RABGAP1L: variants seen among roughly 807,000 people sequenced by gnomAD.
The protein encoded by RABGAP1L is rab GTPase-activating protein 1-like.
Under a neutral mutation model 137.7 loss-of-function variants are expected in RABGAP1L, and 63 were observed. The observed-to-expected ratio is 0.46, with a 90% CI of 0.37 to 0.56. The LOEUF (loss-of-function observed/expected upper bound fraction) is 0.56, where lower values mean the gene tolerates loss of function less well. RABGAP1L is among the 20% of genes least tolerant of loss of function. RABGAP1L has a pLI of 0.00. For synonymous variants in RABGAP1L, 431 were observed against 433.7 expected (o/e 0.99, Z 0.08); for missense variants, 1,095 against 1,244.0 (o/e 0.88, Z 1.80).
Position 174,448,661 on chromosome 1 carries a change from G to C in RABGAP1L, c.1710+54516G>C. The C allele has an allele frequency of 6.2e-7, 1 of 1,613,720 alleles. No homozygotes were observed. Among genetic ancestry groups the C allele is most frequent in the Non-Finnish European group, 8.5e-7 (1 of 1,179,688 alleles). Reference sequence around the variant, plus strand: ...TTCCTTTTTTGGCTGGGGGAAACCTGGTTACCATGGTGACATTTTTGAATG... The same window carrying C: ...TTCCTTTTTTGGCTGGGGGAAACCTCGTTACCATGGTGACATTTTTGAATG... On this transcript the variant is annotated intron_variant, in intron 13 of 25. Coordinates refer to ENST00000681986, the MANE Select transcript of RABGAP1L (RefSeq NM_001366446.1). This position sits in a 1 kb window ranked among gnomAD's most constrained non-coding sequence, Gnocchi z 4.2.
intron 10 of RABGAP1L, among the ~76,000 whole-genome samples, chr1:174,302,183 A>G (rs1677773370): frequency 6.6e-6 from 1 of 152,204 alleles, no homozygotes. Flanking sequence ...TTTCCAGAGT[A>G]GTGGTAGATT....
At chr1:174,610,816 C>T (rs1413425168) in intron 13 of RABGAP1L, among the ~76,000 whole-genome samples, 1 of 152,178 alleles carries the variant, frequency 6.6e-6, no homozygotes, top group East Asian at 1.9e-4. Context: ...TGATGATGAG[C>T]ATTTTTTCAT....
chr1:174,969,397 A>T lies in RABGAP1L; in HGVS notation c.2544+10A>T. 1 of 1,537,444 alleles carries T rather than the reference A, an allele frequency of 6.5e-7. No individual in the cohort carries two copies. The highest frequency in any genetic ancestry group is 8.8e-7 in the Non-Finnish European group (1 of 1,135,030). On this transcript the variant is annotated intron_variant, in intron 21 of 25. Coordinates refer to ENST00000681986, the MANE Select transcript of RABGAP1L (RefSeq NM_001366446.1). Reference sequence around the variant, plus strand: ...GAATGACTTGGATCAGGTAATCCTTAGAAATGAGACTGTGATGACTTCCTC... The same window carrying T: ...GAATGACTTGGATCAGGTAATCCTTTGAAATGAGACTGTGATGACTTCCTC...
In RABGAP1L at chr1:174,736,177, A is replaced by G. The variant is rs142959376; in HGVS notation, c.2170-16136A>G. ...ATGAGATCCTTCTACCTGTAAGTCTATGAGGTTAAATACAAGTTAACCATT... is the reference window on the plus strand; with the variant it reads ...ATGAGATCCTTCTACCTGTAAGTCTGTGAGGTTAAATACAAGTTAACCATT... On this transcript the variant is annotated intron_variant, in intron 17 of 25. Coordinates refer to ENST00000681986, the MANE Select transcript of RABGAP1L (RefSeq NM_001366446.1). 7.2e-5 allele frequency among the ~76,000 whole-genome samples: 11 copies of G among 152,316 alleles called. No homozygotes were observed. The East Asian group carries it at 2.1e-3, about 29-fold the overall frequency.
At chr1:174,366,353 A>G (rs1452730077) in intron 11 of RABGAP1L, among the ~76,000 whole-genome samples, 1 of 152,106 alleles carries the variant, frequency 6.6e-6, no homozygotes, top group Admixed American at 6.6e-5. Flanking sequence ...AAATTTTCAG[A>G]TTTTTACATT....
chr1:174,873,108 G>T (rs191784963), intron 19 of RABGAP1L, among the ~76,000 whole-genome samples: 4 of 151,776 alleles, frequency 2.6e-5, no homozygotes, highest in African/African-American at 9.7e-5. Context: ...TTGCTCTGTC[G>T]CCCAGGCTGG....
At chr1:174,708,525 C>A (rs1432340531) in intron 17 of RABGAP1L, among the ~76,000 whole-genome samples, 2 of 152,146 alleles carry the variant, frequency 1.3e-5, no homozygotes, top group Non-Finnish European at 2.9e-5. Context: ...ATCACCTCAC[C>A]TGGGAAGCAC....
chr1:174,265,424 G>C (rs1673977524), intron 7 of RABGAP1L, among the ~76,000 whole-genome samples: 1 of 151,714 alleles, frequency 6.6e-6, no homozygotes, highest in African/African-American at 2.4e-5. Context: ...TGTATTTGAA[G>C]GGAGTTAGTA....
At chr1:174,908,931 T>A (rs1659577385) in intron 19 of RABGAP1L, among the ~76,000 whole-genome samples, 1 of 148,086 alleles carries the variant, frequency 6.8e-6, no homozygotes, top group African/African-American at 2.5e-5. Context: ...CCCAGCACTT[T>A]GGGAGGCCGA....
chr1:174,721,200 C>T (rs1203342876), intron 17 of RABGAP1L, among the ~76,000 whole-genome samples: 1 of 152,128 alleles, frequency 6.6e-6, no homozygotes, highest in Admixed American at 6.5e-5. Context: ...CTTTCTGTCC[C>T]ATATGAGAGT....
chr1:174,172,891 A>C (rs1665529807), intron 1 of RABGAP1L, among the ~76,000 whole-genome samples: 1 of 151,874 alleles, frequency 6.6e-6, no homozygotes, highest in African/African-American at 2.4e-5. Flanking sequence ...TTGTTGTTTG[A>C]GCTTTTGGTG....
intron 18 of RABGAP1L, among the ~76,000 whole-genome samples, chr1:174,766,401 T>C (rs1169907411): frequency 6.6e-6 from 1 of 152,210 alleles, no homozygotes; most frequent in African/African-American, 2.4e-5. Flanking sequence ...TTGTCAAAAA[T>C]CAGTTGACCA....
At chr1:174,320,774 T>C (rs1679891643) in intron 11 of RABGAP1L, among the ~76,000 whole-genome samples, 1 of 152,198 alleles carries the variant, frequency 6.6e-6, no homozygotes, top group Non-Finnish European at 1.5e-5. Flanking sequence ...CTTCGTAAGC[T>C]GAGGGTGTAT....
chr1:174,429,940 A>C (rs942605305), intron 13 of RABGAP1L, among the ~76,000 whole-genome samples: 1 of 152,174 alleles, frequency 6.6e-6, no homozygotes, highest in Non-Finnish European at 1.5e-5. Flanking sequence ...TACATTTGTT[A>C]CTGAATTTTG....
intron 10 of RABGAP1L, among the ~76,000 whole-genome samples, chr1:174,300,276 A>G (rs528377302): frequency 1.3e-5 from 2 of 152,300 alleles, no homozygotes; most frequent in South Asian, 4.1e-4. Flanking sequence ...CTGTAATCCC[A>G]GCACTTTGGG....
chr1:174,902,309 G>A (rs998293336), intron 19 of RABGAP1L, among the ~76,000 whole-genome samples: 7 of 152,288 alleles, frequency 4.6e-5, no homozygotes, highest in Admixed American at 3.9e-4. Context: ...GAACCATAGA[G>A]GTGGTGGCTG....
intron 13 of RABGAP1L, among the ~76,000 whole-genome samples, chr1:174,605,944 C>A (rs1311016001): frequency 3.3e-5 from 5 of 152,146 alleles, no homozygotes; most frequent in Admixed American, 1.3e-4. Flanking sequence ...TACACTCAGT[C>A]TTCACCCTGA....
chr1:174,636,490 T>C (rs1444310980), intron 13 of RABGAP1L, among the ~76,000 whole-genome samples: 1 of 151,080 alleles, frequency 6.6e-6, no homozygotes, highest in Non-Finnish European at 1.5e-5. Flanking sequence ...ATCGTGCCAT[T>C]GTACTCCAGC....
intron 11 of RABGAP1L, among the ~76,000 whole-genome samples, chr1:174,324,874 T>TG (rs1014917361): frequency 7.2e-5 from 11 of 152,128 alleles, no homozygotes; most frequent in African/African-American, 2.4e-4. Flanking sequence ...TTCATTAGTT[T>TG]GGGGGGATTA....
Sources: allele counts gnomAD v4.1 joint callset (sites outside exome capture counted in the v4.1 genomes callset), GRCh38; gene constraint gnomAD v4.1.1; non-coding constraint Gnocchi (gnomAD v3.1); transcripts MANE v1.5; gene names NCBI Gene and HGNC (gene_info 2026-07-23, HGNC 2026-07-21).